Variants in SNX25 observed in about 807,000 individuals in gnomAD.
SNX25 encodes sorting nexin-25.
In SNX25, 62 loss-of-function variants were observed where a neutral mutation model predicts 113.7. That is an observed-to-expected ratio of 0.55 (90% confidence interval 0.44 to 0.67). The LOEUF (loss-of-function observed/expected upper bound fraction) is 0.67, where lower values mean the gene tolerates loss of function less well. Among genes scored for constraint, SNX25 ranks in the 30% least tolerant of loss-of-function variants. The pLI, the probability that SNX25 is intolerant of heterozygous loss-of-function variation, is 0.00. For missense variants in SNX25, 1,014 were observed against 1,161.0 expected, an observed-to-expected ratio of 0.87 and a Z score of 1.84; for synonymous variants, 421 against 436.2, an observed-to-expected ratio of 0.97 and a Z score of 0.43.
chr4:185,210,741 C>T lies in SNX25; in HGVS notation c.429+486C>T. ...GCCCAGCGCCTCACCCCCAAGCCCG[C>T]GTACCCTTCCCACCACCCTATCCTG... On this transcript the variant is annotated intron_variant, in intron 1 of 18. Coordinates refer to ENST00000652585, the MANE Select transcript of SNX25 (RefSeq NM_001378034.2). This position sits in a 1 kb window ranked among gnomAD's most constrained non-coding sequence, Gnocchi z 4.4. Among the ~76,000 whole-genome samples, 1 of 152,034 alleles carries T rather than the reference C, an allele frequency of 6.6e-6. No homozygotes were observed. The highest frequency in any genetic ancestry group is 1.9e-4 in the East Asian group (1 of 5,164).
intron 2 of SNX25, 124 bp downstream of exon 2, chr4:185,247,502 C>T (rs1278122271): frequency 1.3e-6 from 1 of 759,770 alleles, no homozygotes. Flanking sequence ...ATTTTTTCTT[C>T]ATGAGTTTGT....
chr4:185,206,868 G>A (rs536182075), upstream of SNX25, among the ~76,000 whole-genome samples: 2 of 152,204 alleles, frequency 1.3e-5, no homozygotes, highest in South Asian at 2.1e-4. Flanking sequence ...AACTCTGAAG[G>A]CCTCAGAACC....
At chr4:185,257,020 G>C (rs1293626494) in intron 2 of SNX25, among the ~76,000 whole-genome samples, 5 of 152,052 alleles carry the variant, frequency 3.3e-5, no homozygotes, top group Non-Finnish European at 5.9e-5. Context: ...GACACGTATA[G>C]GTTAGTTGTT....
At chr4:185,264,346 G>T (rs1242300211) in intron 3 of SNX25, 92 bp from the exon 4 acceptor site, 6 of 1,206,460 alleles carry the variant, frequency 5.0e-6, no homozygotes, top group Non-Finnish European at 7.0e-6. Context: ...TATAACCAAT[G>T]TGTTTCTCAT....
At chr4:185,325,696 CT>C (rs1315486807) in intron 9 of SNX25, among the ~76,000 whole-genome samples, 2 of 152,000 alleles carry the variant, frequency 1.3e-5, no homozygotes, top group African/African-American at 4.8e-5. Context: ...GAGATAAGAC[CT>C]TTTTAAAGCC....
chr4:185,231,796 G>C (rs1282807845), intron 1 of SNX25, among the ~76,000 whole-genome samples: 1 of 151,904 alleles, frequency 6.6e-6, no homozygotes, highest in Non-Finnish European at 1.5e-5. Context: ...GAAGCAATTT[G>C]TATGATCTAG....
chr4:185,341,116 C>T (rs1481179276), intron 11 of SNX25, among the ~76,000 whole-genome samples: 2 of 152,234 alleles, frequency 1.3e-5, no homozygotes, highest in African/African-American at 4.8e-5. Context: ...ATTTATGATG[C>T]TAATTCAAGC....
intron 5 of SNX25, among the ~76,000 whole-genome samples, chr4:185,269,761 A>T (rs1411879340): frequency 6.6e-6 from 1 of 152,156 alleles, no homozygotes; most frequent in Non-Finnish European, 1.5e-5. Flanking sequence ...GTTTTTTAAG[A>T]GACAAGGTCC....
Position 185,342,024 on chromosome 4 carries a change from A to G in SNX25, c.2095A>G (p.Ser699Gly). Residue 699 changes from serine to glycine, a missense_variant, in exon 12 of 19, where the codon AGC becomes GGC. Physicochemically the swap from Ser to Gly is moderately conservative, Grantham distance 56. Transcript: ENST00000652585. The stretch of plus-strand genomic sequence containing the variant: ...ATTGCCATGTTACTTTGTCATGGTA[A>G]GCCTACAAGAAGTTGGAGGAGTTGA... ...EQLPCYFVMV[S>G]LQEVGGVETK... 6.2e-7 allele frequency: 1 copy of G among 1,611,260 alleles called. No homozygotes were observed. Among genetic ancestry groups the G allele is most frequent in the Non-Finnish European group, 8.5e-7 (1 of 1,178,924 alleles).
chr4:185,225,452 G>A (rs1231346688), intron 1 of SNX25, among the ~76,000 whole-genome samples: 1 of 152,194 alleles, frequency 6.6e-6, no homozygotes, highest in Non-Finnish European at 1.5e-5. Context: ...AAAGGCCAGT[G>A]ACACTTCCTT....
intron 1 of SNX25, among the ~76,000 whole-genome samples, chr4:185,218,327 C>T (rs939495677): frequency 2.0e-5 from 3 of 152,230 alleles, no homozygotes; most frequent in Non-Finnish European, 2.9e-5. Context: ...TCAGGCGATC[C>T]GTGCCCCTTG....
intron 13 of SNX25, among the ~76,000 whole-genome samples, chr4:185,347,979 A>G (rs1271248550): frequency 1.3e-5 from 2 of 151,896 alleles, no homozygotes; most frequent in African/African-American, 2.4e-5. Flanking sequence ...CATTTTTTTT[A>G]TCTTATGGTT....
At chr4:185,234,073 T>G (rs1055039022) in intron 1 of SNX25, among the ~76,000 whole-genome samples, 12 of 152,036 alleles carry the variant, frequency 7.9e-5, no homozygotes, top group Non-Finnish European at 2.9e-5. Context: ...TTAGCCAGGA[T>G]GGTCTCGATC....
upstream of SNX25, among the ~76,000 whole-genome samples, chr4:185,206,833 G>C (rs1189700258): frequency 6.6e-6 from 1 of 152,160 alleles, no homozygotes; most frequent in Admixed American, 6.5e-5. Context: ...GGAGAGCCTG[G>C]AAAGCTGGTG....
At chr4:185,243,203 TA>T (rs955587920) in intron 1 of SNX25, among the ~76,000 whole-genome samples, 49 of 152,354 alleles carry the variant, frequency 3.2e-4, no homozygotes, top group African/African-American at 1.2e-3. Flanking sequence ...AAAATACTTA[TA>T]AAATTTGCTG....
downstream of SNX25, chr4:185,373,136 G>A (rs2095421560): frequency 1.4e-6 from 2 of 1,458,178 alleles, no homozygotes; most frequent in Non-Finnish European, 1.9e-6. Flanking sequence ...AAATTATAAG[G>A]GAATACTAGA....
intron 1 of SNX25, among the ~76,000 whole-genome samples, chr4:185,212,940 G>C (rs970293102): frequency 1.3e-5 from 2 of 152,202 alleles, no homozygotes; most frequent in Admixed American, 1.3e-4. Context: ...AGTCCTTCTA[G>C]CTGTATATCC....
intron 14 of SNX25, chr4:185,353,230 TATTA>T (rs2095324188): frequency 3.1e-6 from 1 of 322,358 alleles, no homozygotes; most frequent in Admixed American, 4.5e-5. Context: ...TTTTATTGTC[TATTA>T]ATTCACTGAT....
At chr4:185,320,573 C>G (rs949944385) in intron 7 of SNX25, among the ~76,000 whole-genome samples, 160 bp from the exon 8 acceptor site, 5 of 151,222 alleles carry the variant, frequency 3.3e-5, no homozygotes, top group Non-Finnish European at 7.4e-5. Context: ...TGTACATTTA[C>G]TTAAATAAAT....
Sources: gnomAD v4.1 joint callset for allele counts (sites outside exome capture counted in the v4.1 genomes callset) on GRCh38, gnomAD v4.1.1 for gene constraint, Gnocchi (gnomAD v3.1) non-coding constraint, MANE v1.5 for transcripts, NCBI Gene and HGNC (gene_info 2026-07-23, HGNC 2026-07-21) for gene names.